LGSN: variants seen among roughly 807,000 people sequenced by gnomAD.
LGSN encodes the protein lengsin, lens protein with glutamine synthetase domain.
A neutral mutation model predicts 19.5 loss-of-function variants in LGSN; 21 were observed. The ratio of observed to expected loss-of-function variants is 1.07; its 90% CI spans 0.76 to 1.55. The LOEUF (loss-of-function observed/expected upper bound fraction) is 1.55, where lower values mean the gene tolerates loss of function less well. Among genes scored for constraint, LGSN ranks in the 40% most tolerant of loss-of-function variants. The pLI is 0.00. For missense variants in LGSN, 673 were observed against 608.5 expected (o/e 1.11, Z -1.12); for synonymous variants, 257 against 215.6 (o/e 1.19, Z -1.68).
intron 1 of LGSN, among the ~76,000 whole-genome samples, chr6:63,313,015 A>G (rs1768691276): frequency 6.6e-6 from 1 of 152,218 alleles, no homozygotes; most frequent in South Asian, 2.1e-4. Flanking sequence ...GTCAAAATGT[A>G]AAAGACAAAA....
At chr6:63,494,334 T>C in the LGSN span, among the ~76,000 whole-genome samples, 11 of 152,282 alleles carry the variant, frequency 7.2e-5, no homozygotes, top group South Asian at 1.0e-3. Flanking sequence ...ATAAGTCTTA[T>C]GTGTTCACTC....
At chr6:63,569,719 G>A in the LGSN span, among the ~76,000 whole-genome samples, 13 of 152,336 alleles carry the variant, frequency 8.5e-5, no homozygotes, top group South Asian at 2.7e-3. Flanking sequence ...TGTTTAGCAG[G>A]AGAGAAAATC....
chr6:63,557,912 C>T, the LGSN span, among the ~76,000 whole-genome samples: 3 of 150,246 alleles, frequency 2.0e-5, no homozygotes, highest in African/African-American at 7.3e-5. Flanking sequence ...TTTTTTGAGA[C>T]GGAGTCTTGC....
the LGSN span, among the ~76,000 whole-genome samples, chr6:63,467,606 C>G: frequency 2.6e-5 from 4 of 152,210 alleles, no homozygotes; most frequent in Non-Finnish European, 4.4e-5. Context: ...TGTGAACAAG[C>G]CTGGTGTCTC....
At chr6:63,571,698 TCGAAATGCCAC>T in the LGSN span, 1 of 152,202 alleles carries the variant, frequency 6.6e-6, no homozygotes, top group Non-Finnish European at 1.5e-5. Flanking sequence ...GCATGTGATT[TCGAAATGCCAC>T]AATTGAGCCA....
the LGSN span, among the ~76,000 whole-genome samples, chr6:63,526,684 T>C: frequency 1.3e-5 from 2 of 151,214 alleles, no homozygotes; most frequent in African/African-American, 2.4e-5. Flanking sequence ...GGCGTGTGCC[T>C]GTAGTCTCAG....
intron 2 of LGSN, among the ~76,000 whole-genome samples, chr6:63,287,068 A>G (rs968497731): frequency 6.6e-6 from 1 of 152,246 alleles, no homozygotes; most frequent in African/African-American, 2.4e-5. Flanking sequence ...CTTTTGCAAG[A>G]TATAATTAGG....
At chr6:63,446,997 C>T in the LGSN span, among the ~76,000 whole-genome samples, 2 of 152,040 alleles carry the variant, frequency 1.3e-5, no homozygotes, top group Admixed American at 1.3e-4. Context: ...TGCAGTGAGC[C>T]GAGATCGTGC....
At chr6:63,287,873 A>G (rs1767606681) in intron 2 of LGSN, among the ~76,000 whole-genome samples, 1 of 152,078 alleles carries the variant, frequency 6.6e-6, no homozygotes. Flanking sequence ...TTTTTGCTTT[A>G]TCTGTGTCTC....
Position 63,280,763 on chromosome 6 carries a change from G to A in LGSN, c.788C>T (p.Pro263Leu). The change falls in exon 4 of 4, where the codon CCT becomes CTT. Residue 263 changes from proline (P) to leucine (L), a missense_variant. Physicochemically the swap from Pro to Leu is moderately conservative, Grantham distance 98. Coordinates refer to ENST00000370657, the MANE Select transcript of LGSN (RefSeq NM_016571.3). ...NVESFSSSTR[P>L]GQMEISFLPE... ...CAGGAAAGAGATTTCCATCTGACCA[G>A]GCCTGGTAGAGGAGGAAAAACTCTC... The A allele has an allele frequency of 6.2e-7, 1 of 1,614,118 alleles. No individual in the cohort carries two copies. Among genetic ancestry groups the A allele is most frequent in the Non-Finnish European group, 8.5e-7 (1 of 1,180,026 alleles).
At chr6:63,432,179 G>GAAAGGGAAAGAAAGAAAGGAAAAGA in the LGSN span, among the ~76,000 whole-genome samples, 1 of 113,560 alleles carries the variant, frequency 8.8e-6, no homozygotes, top group Non-Finnish European at 1.8e-5. Flanking sequence ...GAAAAGGAAA[G>GAAAGGGAAAGAAAGAAAGGAAAAGA]AAAGAAAAGA....
the LGSN span, among the ~76,000 whole-genome samples, chr6:63,378,104 T>C: frequency 6.7e-6 from 1 of 148,594 alleles, no homozygotes; most frequent in Non-Finnish European, 1.5e-5. Context: ...AAGAGAAAAG[T>C]ATTTGCAAAG....
the LGSN span, among the ~76,000 whole-genome samples, chr6:63,562,161 T>C: frequency 6.6e-6 from 1 of 152,050 alleles, no homozygotes; most frequent in African/African-American, 2.4e-5. Context: ...AACATTACAA[T>C]TATTTATTTA....
the LGSN span, chr6:63,441,772 C>T: frequency 5.5e-6 from 2 of 366,058 alleles, no homozygotes; most frequent in African/African-American, 2.2e-5. Context: ...GCAAGCCACT[C>T]CCCCGGAAGC....
chr6:63,303,466 T>A (rs1768265260), intron 1 of LGSN, among the ~76,000 whole-genome samples: 1 of 152,218 alleles, frequency 6.6e-6, no homozygotes, highest in Admixed American at 6.5e-5. Context: ...ATTAGGCAAG[T>A]CTAACTGAAT....
chr6:63,434,161 G>T, the LGSN span, among the ~76,000 whole-genome samples: 6 of 152,114 alleles, frequency 3.9e-5, no homozygotes, highest in African/African-American at 1.4e-4. Flanking sequence ...TGACCTGGCT[G>T]GGCGCAGTGG....
the LGSN span, chr6:63,521,776 A>T: frequency 6.6e-6 from 1 of 152,216 alleles, no homozygotes; most frequent in East Asian, 1.9e-4. Flanking sequence ...TGGTATCCTT[A>T]TGCAGAATGA....
the LGSN span, among the ~76,000 whole-genome samples, chr6:63,456,133 G>A: frequency 3.3e-5 from 5 of 151,570 alleles, no homozygotes; most frequent in African/African-American, 1.2e-4. Context: ...GGGAGGCTGA[G>A]GCAGGAGAAT....
At chr6:63,333,507 GA>G in the LGSN span, among the ~76,000 whole-genome samples, 1 of 138,560 alleles carries the variant, frequency 7.2e-6, no homozygotes, top group Non-Finnish European at 1.5e-5. Context: ...ACAAAAGAAT[GA>G]AAGAACAAAA....
Sources: allele counts gnomAD v4.1 joint callset (sites outside exome capture counted in the v4.1 genomes callset), GRCh38; gene constraint gnomAD v4.1.1; transcripts MANE v1.5; gene names NCBI Gene and HGNC (gene_info 2026-07-23, HGNC 2026-07-21).